PAK3: variants seen among roughly 807,000 people sequenced by gnomAD.
PAK3 encodes the protein p21 (RAC1) activated kinase 3.
Under a neutral mutation model 41.0 loss-of-function variants are expected in PAK3, and 4 were observed. That is an observed-to-expected ratio of 0.10 (90% CI 0.05 to 0.22). The LOEUF is 0.22. Ranked by LOEUF, PAK3 falls within the 10% of genes least tolerant of loss-of-function variation. The probability of loss-of-function intolerance (pLI) is 1.00; values close to 1 mark genes in which losing one functional copy is unlikely to be tolerated. For missense variants in PAK3, 205 were observed against 409.9 expected (o/e 0.50, Z 4.32); for synonymous variants, 146 against 139.6 (o/e 1.05, Z -0.32).
At chrX:111,160,281 A>G (rs1285459726) in intron 8 of PAK3, among the ~76,000 whole-genome samples, 2 of 111,395 alleles carry the variant, frequency 1.8e-5, no homozygotes, top group African/African-American at 6.5e-5. Context: ...ATAAATTTTA[A>G]TAATATATTT....
At chrX:111,119,987 G>C (rs2093540463) in intron 4 of PAK3, among the ~76,000 whole-genome samples, 1 of 112,329 alleles carries the variant, frequency 8.9e-6, no homozygotes, top group African/African-American at 3.2e-5. Context: ...AAGAACCAAA[G>C]TAATATCAAG....
chrX:111,121,041 CA>C (rs766949378), intron 4 of PAK3, among the ~76,000 whole-genome samples: 1 of 111,993 alleles, frequency 8.9e-6, no homozygotes, highest in Non-Finnish European at 1.9e-5. Context: ...ATAATGCAGA[CA>C]CATTAGCACT....
intron 1 of PAK3, among the ~76,000 whole-genome samples, chrX:111,069,747 G>A (rs1325362410): frequency 9.0e-6 from 1 of 110,594 alleles, no homozygotes; most frequent in Non-Finnish European, 1.9e-5. Context: ...CATACATCCT[G>A]AGAATAGTGG....
chrX:111,163,496 A>G, intron 9 of PAK3, 66 bp from the exon 10 acceptor site: 1 of 793,246 alleles, frequency 1.3e-6, no homozygotes, highest in Non-Finnish European at 1.9e-6. Context: ...TGATATTACA[A>G]TACATTGACT....
At chrX:111,009,020 G>T (rs747683033) in intron 1 of PAK3, among the ~76,000 whole-genome samples, 7 of 109,595 alleles carry the variant, frequency 6.4e-5, no homozygotes, top group Admixed American at 5.8e-4. Context: ...GCCCCTGAGG[G>T]TTTTTTTTTA....
At chrX:111,025,835 A>G (rs2092261348) in intron 1 of PAK3, among the ~76,000 whole-genome samples, 1 of 104,742 alleles carries the variant, frequency 9.5e-6, no homozygotes, top group Non-Finnish European at 1.9e-5. Flanking sequence ...AGGAAAGGAT[A>G]TAACAAAAAA....
upstream of PAK3, among the ~76,000 whole-genome samples, chrX:111,092,970 C>T (rs769647172): frequency 3.6e-4 from 40 of 111,775 alleles, no homozygotes; most frequent in Non-Finnish European, 7.0e-4. Flanking sequence ...ACACTCCCGT[C>T]AATTGTATAT....
At chrX:111,155,512 A>C (rs1300774446) in intron 8 of PAK3, among the ~76,000 whole-genome samples, 1 of 109,549 alleles carries the variant, frequency 9.1e-6, no homozygotes, top group East Asian at 2.9e-4. Flanking sequence ...AAAAAAAAAA[A>C]AAACCCAACA....
intron 1 of PAK3, among the ~76,000 whole-genome samples, chrX:110,947,885 G>A (rs2090654491): frequency 8.9e-6 from 1 of 111,815 alleles, no homozygotes; most frequent in Middle Eastern, 4.6e-3. Flanking sequence ...AAATGAGGTT[G>A]ATAATAATCA....
At chrX:111,030,415 TAAA>T (rs2092326356) in intron 1 of PAK3, among the ~76,000 whole-genome samples, 1 of 111,595 alleles carries the variant, frequency 9.0e-6, no homozygotes, top group African/African-American at 3.3e-5. Context: ...CAACAATTGT[TAAA>T]GATCCGATTT....
At chrX:110,990,141 A>G (rs1423678602) in intron 1 of PAK3, among the ~76,000 whole-genome samples, 1 of 111,632 alleles carries the variant, frequency 9.0e-6, no homozygotes, top group African/African-American at 3.3e-5. Flanking sequence ...GCTGGGCTCA[A>G]TTCTCAGATA....
intron 1 of PAK3, among the ~76,000 whole-genome samples, chrX:111,084,507 T>G (rs2092862916): frequency 8.9e-6 from 1 of 112,821 alleles, no homozygotes; most frequent in Admixed American, 9.4e-5. Context: ...TTATCTTCTG[T>G]GTCTTCTGTC....
At chrX:111,193,718 TAA>T (rs1042150437) in intron 13 of PAK3, among the ~76,000 whole-genome samples, 2 of 109,151 alleles carry the variant, frequency 1.8e-5, no homozygotes, top group African/African-American at 6.8e-5. Context: ...CAGAGTAACC[TAA>T]AGTCATTCTG....
intron 1 of PAK3, among the ~76,000 whole-genome samples, chrX:111,070,939 T>C (rs1221344591): frequency 8.9e-6 from 1 of 112,117 alleles, no homozygotes; most frequent in Non-Finnish European, 1.9e-5. Flanking sequence ...CTGACTCCCA[T>C]AATTGAGGGC....
At chrX:110,989,271 A>G (rs1237329277) in intron 1 of PAK3, among the ~76,000 whole-genome samples, 1 of 111,751 alleles carries the variant, frequency 8.9e-6, no homozygotes, top group Non-Finnish European at 1.9e-5. Context: ...AAAACTCTTC[A>G]TCTCCTACCT....
intron 11 of PAK3, among the ~76,000 whole-genome samples, chrX:111,184,278 T>C (rs1261624964): frequency 9.0e-6 from 1 of 111,483 alleles, no homozygotes; most frequent in Non-Finnish European, 1.9e-5. Flanking sequence ...AAAATCAAAT[T>C]GACAGTGTTG....
intron 1 of PAK3, among the ~76,000 whole-genome samples, chrX:111,027,970 A>G (rs1335054660): frequency 8.9e-5 from 4 of 45,193 alleles, no homozygotes; most frequent in South Asian, 1.1e-3. Flanking sequence ...GTGTATATAT[A>G]CATATATATG....
intron 5 of PAK3, among the ~76,000 whole-genome samples, chrX:111,131,397 T>A (rs752645970): frequency 9.0e-6 from 1 of 111,591 alleles, no homozygotes; most frequent in Non-Finnish European, 1.9e-5. Flanking sequence ...ATGCTAAGTT[T>A]ATGCCAGAAA....
chrX:111,006,846 TTTC>T (rs1368898471), intron 1 of PAK3, among the ~76,000 whole-genome samples: 307 of 12,755 alleles, frequency 0.024, 2 homozygotes, highest in Middle Eastern at 0.11. Flanking sequence ...TCTTTCTTTC[TTTC>T]TTTTTTTTTT....
Sources: gnomAD v4.1 joint callset for allele counts (sites outside exome capture counted in the v4.1 genomes callset) on GRCh38, gnomAD v4.1.1 for gene constraint, MANE v1.5 for transcripts, NCBI Gene and HGNC (gene_info 2026-07-23, HGNC 2026-07-21) for gene names.